The following EML1 variants were observed in gnomAD, a reference collection of about 807,000 sequenced individuals.
EML1 encodes the protein echinoderm microtubule-associated protein-like 1.
A neutral mutation model predicts 110.4 loss-of-function variants in EML1; 27 were observed. That is an observed-to-expected ratio of 0.24 (90% confidence interval 0.18 to 0.34). EML1 has a LOEUF of 0.34. Among genes scored for constraint, EML1 ranks in the 10% least tolerant of loss-of-function variants. The pLI, the probability that EML1 is intolerant of heterozygous loss-of-function variation, is 1.00. For synonymous variants in EML1, 344 were observed against 385.8 expected (o/e 0.89, Z 1.27); for missense variants, 741 against 1,030.9 (o/e 0.72, Z 3.85).
At chr14:99,869,628 A>G (rs1472917402) in intron 3 of EML1, among the ~76,000 whole-genome samples, 1 of 152,194 alleles carries the variant, frequency 6.6e-6, no homozygotes, top group African/African-American at 2.4e-5. Context: ...AGGATAGACC[A>G]TCATGTGGTT....
intron 9 of EML1, chr14:99,906,844 A>ACCCTACACTCTTT: frequency 6.6e-6 from 1 of 151,942 alleles, no homozygotes; most frequent in East Asian, 1.9e-4. Context: ...CAGCAGACCC[A>ACCCTACACTCTTT]CCCTACACTC....
chr14:99,937,137 A>T (rs2060489160), intron 19 of EML1, among the ~76,000 whole-genome samples: 1 of 152,164 alleles, frequency 6.6e-6, no homozygotes, highest in Non-Finnish European at 1.5e-5. Context: ...GAGCGTCCCC[A>T]CTTGTTGAGG....
At chr14:99,824,881 T>G (rs543822665) in intron 1 of EML1, among the ~76,000 whole-genome samples, 1 of 152,338 alleles carries the variant, frequency 6.6e-6, no homozygotes, top group South Asian at 2.1e-4. Flanking sequence ...TATAGAATTT[T>G]CTGTTTCTGA....
At chr14:99,826,728 C>A (rs1008258211) in intron 1 of EML1, among the ~76,000 whole-genome samples, 6 of 150,620 alleles carry the variant, frequency 4.0e-5, no homozygotes, top group South Asian at 2.1e-4. Context: ...CAAAAAAAAA[C>A]AAAAAAACAC....
intron 2 of EML1, among the ~76,000 whole-genome samples, chr14:99,860,657 G>A (rs1335963900): frequency 6.6e-6 from 1 of 152,146 alleles, no homozygotes; most frequent in East Asian, 1.9e-4. Context: ...TGGTGGTGGG[G>A]GTTACGATGC....
At chr14:99,811,309 G>A (rs1327158647) in intron 1 of EML1, among the ~76,000 whole-genome samples, 1 of 151,988 alleles carries the variant, frequency 6.6e-6, no homozygotes, top group East Asian at 1.9e-4. Context: ...GCCTCCCAAA[G>A]TTCTGGGATT....
chr14:99,920,998 C>T (rs1440209075), intron 17 of EML1, 121 bp downstream of exon 17: 20 of 879,506 alleles, frequency 2.3e-5, no homozygotes, highest in South Asian at 3.4e-5. Flanking sequence ...GGTGGTTTAA[C>T]GCACAGATCA....
At chr14:99,817,269 C>T (rs561307731) in intron 1 of EML1, among the ~76,000 whole-genome samples, 3 of 152,310 alleles carry the variant, frequency 2.0e-5, no homozygotes, top group African/African-American at 7.2e-5. Context: ...GATGTTCCCT[C>T]AGAAGAAGCT....
At chr14:99,763,826 G>A (rs191330738) in intron 1 of EML1, among the ~76,000 whole-genome samples, 53 of 152,244 alleles carry the variant, frequency 3.5e-4, no homozygotes, top group East Asian at 2.5e-3. Context: ...AGGGAGCACC[G>A]GGAGGACCCT....
chr14:99,795,249 C>T (rs925576813), intron 1 of EML1, among the ~76,000 whole-genome samples: 3 of 152,110 alleles, frequency 2.0e-5, no homozygotes, highest in Non-Finnish European at 4.4e-5. Context: ...TGAATGTTTT[C>T]GTTTTCTGCA....
At chr14:99,918,953 G>A (rs1360767176) in intron 16 of EML1, among the ~76,000 whole-genome samples, 2 of 152,104 alleles carry the variant, frequency 1.3e-5, no homozygotes, top group East Asian at 3.9e-4. Context: ...CCGGATGGTG[G>A]GTCTGCGTTT....
In EML1 at chr14:99,840,186, G is replaced by T. The variant is rs568099538; in HGVS notation, c.68-10667G>T. 5.9e-5 allele frequency among the ~76,000 whole-genome samples: 9 copies of T among 152,284 alleles called. No homozygotes were observed. The East Asian group carries it at 1.3e-3, about 23-fold the overall frequency. On this transcript the variant is annotated intron_variant, in intron 1 of 21. Transcript: ENST00000262233. ...GAGCAAAGGGTTATTATTTGTTACT[G>T]CTTAAATGATTGGTTTTAAACTACT...
intron 1 of EML1, among the ~76,000 whole-genome samples, chr14:99,795,250 G>C (rs1456988699): frequency 1.3e-5 from 2 of 152,114 alleles, no homozygotes; most frequent in Non-Finnish European, 2.9e-5. Flanking sequence ...GAATGTTTTC[G>C]TTTTCTGCAT....
chr14:99,939,029 G>A lies in EML1; in HGVS notation c.2192-168G>A, dbSNP rs990127181. Among the ~76,000 whole-genome samples, 1 of 152,202 alleles carries A rather than the reference G, an allele frequency of 6.6e-6. No homozygotes were observed. The highest frequency in any genetic ancestry group is 6.5e-5 in the Admixed American group (1 of 15,284). ...TGGCCTGAGTGAGAGGAGACTGGGC[G>A]CACAGCGAGAGGCCAGGAACTGAGG... On this transcript the variant is annotated intron_variant, in intron 20 of 21. Coordinates refer to ENST00000262233, the MANE Select transcript of EML1 (RefSeq NM_004434.3). This position sits in a 1 kb window ranked among gnomAD's most constrained non-coding sequence, Gnocchi z 4.2.
intron 3 of EML1, among the ~76,000 whole-genome samples, chr14:99,869,066 T>G (rs2059151190): frequency 6.6e-6 from 1 of 152,208 alleles, no homozygotes; most frequent in African/African-American, 2.4e-5. Context: ...ATTGATTGTT[T>G]AAGAGTGAGT....
At chr14:99,859,848 G>T (rs889012881) in intron 2 of EML1, among the ~76,000 whole-genome samples, 10 of 152,138 alleles carry the variant, frequency 6.6e-5, no homozygotes. Context: ...ATACAAAATT[G>T]CACCCATTGT....
chr14:99,895,765 T>TA (rs3071434), intron 6 of EML1, among the ~76,000 whole-genome samples: 59,685 of 147,668 alleles, frequency 0.4, 14,002 homozygotes, highest in African/African-American at 0.66. Context: ...CATCCTACTT[T>TA]AAAAAAAAAA....
intron 3 of EML1, 52 bp downstream of exon 3, chr14:99,865,698 A>G (rs1202951875): frequency 3.8e-6 from 6 of 1,586,624 alleles, no homozygotes; most frequent in Non-Finnish European, 5.1e-6. Context: ...TCTCTCTTAG[A>G]TTCCAACATG....
intron 7 of EML1, 113 bp downstream of exon 7, chr14:99,897,407 A>C: frequency 9.7e-7 from 1 of 1,032,162 alleles, no homozygotes; most frequent in Non-Finnish European, 1.3e-6. Context: ...TCTCTAAAAT[A>C]AATAAATAAA....
Sources: gnomAD v4.1 joint callset for allele counts (sites outside exome capture counted in the v4.1 genomes callset) on GRCh38, gnomAD v4.1.1 for gene constraint, Gnocchi (gnomAD v3.1) non-coding constraint, MANE v1.5 for transcripts, NCBI Gene and HGNC (gene_info 2026-07-23, HGNC 2026-07-21) for gene names.